Variants in WDR49 observed in about 807,000 individuals in gnomAD.
The protein encoded by WDR49 is WD repeat domain 49.
In WDR49, 107 loss-of-function variants were observed where a neutral mutation model predicts 119.5. That is an observed-to-expected ratio of 0.90 (90% CI 0.77 to 1.05). WDR49 has a LOEUF of 1.05. WDR49 is among the 50% of genes least tolerant of loss of function. WDR49 has a pLI of 0.00. For synonymous variants in WDR49, 425 were observed against 418.8 expected (o/e 1.01, Z -0.18); for missense variants, 1,240 against 1,220.5 (o/e 1.02, Z -0.24).
chr3:167,578,229 C>G (rs1232486950), intron 7 of WDR49, among the ~76,000 whole-genome samples: 1 of 152,070 alleles, frequency 6.6e-6, no homozygotes, highest in African/African-American at 2.4e-5. Flanking sequence ...CACTTTCTCT[C>G]TAGGGGAGGG....
chr3:167,621,435 A>AT (rs772829015), intron 4 of WDR49, 32 bp downstream of exon 4: 23 of 1,459,530 alleles, frequency 1.6e-5, no homozygotes, highest in African/African-American at 2.8e-5. Flanking sequence ...GATTAAATCC[A>AT]TAGTATTCAA....
At chr3:167,652,142 C>T (rs2108349885) in intron 2 of WDR49, among the ~76,000 whole-genome samples, 2 of 152,186 alleles carry the variant, frequency 1.3e-5, no homozygotes, top group African/African-American at 4.8e-5. Flanking sequence ...GGTTGAATAG[C>T]AAATATATGA....
chr3:167,633,496 A>G (rs1717467199), intron 2 of WDR49: 1 of 455,966 alleles, frequency 2.2e-6, no homozygotes, highest in African/African-American at 2.0e-5. Context: ...GTCTTTAGCC[A>G]CTCGTAGTGC....
chr3:167,643,970 CA>C (rs1276578963), intron 2 of WDR49, among the ~76,000 whole-genome samples: 1 of 150,418 alleles, frequency 6.6e-6, no homozygotes, highest in Non-Finnish European at 1.5e-5. Context: ...AGAAAAGAAA[CA>C]AAAACTGGCT....
intron 17 of WDR49, among the ~76,000 whole-genome samples, chr3:167,502,213 G>A (rs1336738911): frequency 6.6e-6 from 1 of 152,148 alleles, no homozygotes; most frequent in Non-Finnish European, 1.5e-5. Flanking sequence ...ACCACTGTAA[G>A]GTTTCTGAGG....
At chr3:167,620,391 G>A (rs1420236559) in intron 5 of WDR49, 38 bp downstream of exon 5, 3 of 1,514,384 alleles carry the variant, frequency 2.0e-6, no homozygotes, top group Non-Finnish European at 2.6e-6. Context: ...ACAAGTCAGA[G>A]GTGACCATTT....
intron 5 of WDR49, 79 bp from the exon 6 acceptor site, chr3:167,604,547 A>G (rs1715947914): frequency 7.4e-7 from 1 of 1,358,878 alleles, no homozygotes; most frequent in Non-Finnish European, 9.7e-7. Flanking sequence ...CTGTTTTAAT[A>G]TGGAAAGTTA....
chr3:167,575,302 A>G (rs1714188361), intron 8 of WDR49: 3 of 987,056 alleles, frequency 3.0e-6, no homozygotes, highest in Non-Finnish European at 3.6e-6. Context: ...TGGTCTGCGC[A>G]GTAACTCTGC....
chr3:167,632,591 G>A (rs941328055), intron 2 of WDR49, among the ~76,000 whole-genome samples: 1 of 151,904 alleles, frequency 6.6e-6, no homozygotes, highest in African/African-American at 2.4e-5. Context: ...TTTTCAAGAA[G>A]CATGATGTTT....
At chr3:167,654,384 A>T (rs1489928331), upstream of WDR49, among the ~76,000 whole-genome samples, 1 of 152,234 alleles carries the variant, frequency 6.6e-6, no homozygotes, top group Non-Finnish European at 1.5e-5. Context: ...ATAAAAAAAC[A>T]CAGCATAACA....
At chr3:167,523,920 G>A (rs931909014) in intron 15 of WDR49, among the ~76,000 whole-genome samples, 6 of 152,086 alleles carry the variant, frequency 3.9e-5, no homozygotes, top group African/African-American at 1.2e-4. Flanking sequence ...TCAGTAATGG[G>A]ATTCCTGAAT....
At chr3:167,588,159 T>C (rs116743667) in intron 7 of WDR49, among the ~76,000 whole-genome samples, 2,525 of 152,250 alleles carry the variant, frequency 0.017, 65 homozygotes, top group African/African-American at 0.054. Flanking sequence ...ATCAGTTCAA[T>C]TGTTTTAATT....
At chr3:167,593,000 T>C (rs571516452) in intron 7 of WDR49, among the ~76,000 whole-genome samples, 1 of 152,330 alleles carries the variant, frequency 6.6e-6, no homozygotes, top group Admixed American at 6.5e-5. Flanking sequence ...ATGTTATTTG[T>C]TTCTTTTCTC....
chr3:167,491,441 A>G (rs950827496), intron 18 of WDR49, among the ~76,000 whole-genome samples: 4 of 152,118 alleles, frequency 2.6e-5, no homozygotes, highest in East Asian at 1.9e-4. Flanking sequence ...CTTGAGTCCT[A>G]TAAGAATCAC....
intron 18 of WDR49, among the ~76,000 whole-genome samples, chr3:167,496,428 T>C (rs1269360789): frequency 6.6e-6 from 1 of 151,966 alleles, no homozygotes; most frequent in African/African-American, 2.4e-5. Context: ...TAGAGCTGCT[T>C]ATACCACTCC....
chr3:167,592,912 C>G (rs1433979916), intron 7 of WDR49, among the ~76,000 whole-genome samples: 3 of 152,140 alleles, frequency 2.0e-5, no homozygotes, highest in Non-Finnish European at 4.4e-5. Context: ...TCCTTCAGAA[C>G]TTTAAATATG....
chr3:167,497,054 C>A (rs568884960), intron 18 of WDR49, among the ~76,000 whole-genome samples: 28 of 152,188 alleles, frequency 1.8e-4, no homozygotes, highest in Non-Finnish European at 3.7e-4. Flanking sequence ...TTCTCCCTCA[C>A]CTTTGACCTC....
chr3:167,529,347 A>G, intron 13 of WDR49, 108 bp from the exon 14 acceptor site: 1 of 971,850 alleles, frequency 1.0e-6, no homozygotes, highest in Non-Finnish European at 1.5e-6. Context: ...AGAGGTGAGT[A>G]GCCCTGAGAT....
intron 7 of WDR49, among the ~76,000 whole-genome samples, chr3:167,597,307 T>A (rs1160153286): frequency 1.3e-5 from 2 of 152,180 alleles, no homozygotes; most frequent in African/African-American, 4.8e-5. Context: ...AGCCTGTGGG[T>A]GCACAGAAGA....
Sources: allele counts gnomAD v4.1 joint callset (sites outside exome capture counted in the v4.1 genomes callset), GRCh38; gene constraint gnomAD v4.1.1; transcripts MANE v1.5; gene names NCBI Gene and HGNC (gene_info 2026-07-23, HGNC 2026-07-21).